MTUS1: variants seen among roughly 807,000 people sequenced by gnomAD.
The protein encoded by MTUS1 is microtubule-associated tumor suppressor 1.
In MTUS1, 109 loss-of-function variants were observed where a neutral mutation model predicts 120.8. The observed-to-expected ratio is 0.90, with a 90% CI of 0.77 to 1.06. The LOEUF (loss-of-function observed/expected upper bound fraction) is 1.06. Among genes scored for constraint, MTUS1 ranks in the 50% least tolerant of loss-of-function variants. The pLI is 0.00. For synonymous variants in MTUS1, 737 were observed against 550.5 expected, an observed-to-expected ratio of 1.34 and a Z score of -4.74; for missense variants, 2,210 against 1,486.3, an observed-to-expected ratio of 1.49 and a Z score of -8.01.
At chr8:17,693,620 A>C (rs1011069100) in intron 6 of MTUS1, among the ~76,000 whole-genome samples, 1 of 152,174 alleles carries the variant, frequency 6.6e-6, no homozygotes, top group African/African-American at 2.4e-5. Context: ...TCTCTGTCGG[A>C]AACACTTTGT....
intron 1 of MTUS1, among the ~76,000 whole-genome samples, chr8:17,788,328 A>C (rs775813820): frequency 1.1e-4 from 16 of 152,174 alleles, no homozygotes; most frequent in African/African-American, 2.2e-4. Flanking sequence ...CATATTCATG[A>C]ATTCTTATTG....
intron 1 of MTUS1, among the ~76,000 whole-genome samples, chr8:17,767,530 C>G (rs1361347471): frequency 8.8e-6 from 1 of 113,506 alleles, no homozygotes; most frequent in Admixed American, 9.5e-5. Context: ...AACCCCATCT[C>G]TTTAAAAAAA....
chr8:17,673,895 G>A (rs921631568), intron 8 of MTUS1, among the ~76,000 whole-genome samples: 1 of 152,332 alleles, frequency 6.6e-6, no homozygotes, highest in East Asian at 1.9e-4. Context: ...TTCTCCTAGA[G>A]TTGGGTGAAC....
At chr8:17,781,163 C>T (rs1209507852) in intron 1 of MTUS1, among the ~76,000 whole-genome samples, 1 of 152,158 alleles carries the variant, frequency 6.6e-6, no homozygotes, top group Admixed American at 6.5e-5. Context: ...TCTGTTTCCA[C>T]CTAAAATGGA....
chr8:17,719,972 G>C (rs567009023), intron 4 of MTUS1, among the ~76,000 whole-genome samples: 2 of 151,958 alleles, frequency 1.3e-5, no homozygotes, highest in South Asian at 2.1e-4. Flanking sequence ...GTCCTCCCTT[G>C]TCATTGATCA....
chr8:17,778,147 T>C (rs1438344545), intron 1 of MTUS1, among the ~76,000 whole-genome samples: 1 of 151,522 alleles, frequency 6.6e-6, no homozygotes, highest in Non-Finnish European at 1.5e-5. Flanking sequence ...GGGTAGATTA[T>C]TTTTTTTTAA....
intron 6 of MTUS1, among the ~76,000 whole-genome samples, chr8:17,685,886 GAAT>G (rs1180511832): frequency 6.6e-6 from 1 of 152,132 alleles, no homozygotes; most frequent in Non-Finnish European, 1.5e-5. Flanking sequence ...AGTAGCTTAT[GAAT>G]AATTGTCACT....
chr8:17,740,762 T>C (rs374432814), intron 3 of MTUS1, among the ~76,000 whole-genome samples: 8 of 152,214 alleles, frequency 5.3e-5, no homozygotes, highest in South Asian at 2.1e-4. Flanking sequence ...ATGTCCAAGA[T>C]AGAGGTGCCA....
At chr8:17,779,680 G>C (rs2050719303) in intron 1 of MTUS1, among the ~76,000 whole-genome samples, 1 of 152,118 alleles carries the variant, frequency 6.6e-6, no homozygotes, top group Admixed American at 6.5e-5. Context: ...CCCTTCACTT[G>C]GCTTCAGAGG....
chr8:17,785,973 C>A (rs1167506911), intron 1 of MTUS1, among the ~76,000 whole-genome samples: 1 of 152,062 alleles, frequency 6.6e-6, no homozygotes, highest in Non-Finnish European at 1.5e-5. Flanking sequence ...GAGACTCTGT[C>A]CCTAAAAAAT....
intron 1 of MTUS1, among the ~76,000 whole-genome samples, chr8:17,774,630 G>A (rs193285081): frequency 7.4e-4 from 113 of 152,222 alleles, no homozygotes; most frequent in Middle Eastern, 3.4e-3. Flanking sequence ...ACCCCCTTGC[G>A]TTGCTGGTGG....
At position 17,753,770 on chromosome 8, in the gene MTUS1, C is replaced by T. The variant is rs758607845; in HGVS notation, c.2038G>A (p.Glu680Lys). 27 of 1,612,782 alleles carry T rather than the reference C, an allele frequency of 1.7e-5. No homozygotes were observed. In the South Asian group the frequency reaches 2.9e-4, roughly 17 times the overall value. Residue 680 changes from glutamate to lysine, a missense_variant, in exon 2 of 15, where the codon GAG becomes AAG. By Grantham distance (56) the Glu-to-Lys change is moderately conservative (BLOSUM62 1). Coordinates refer to ENST00000693296, the MANE Select transcript of MTUS1 (RefSeq NM_001363059.2). The stretch of plus-strand genomic sequence containing the variant: ...TCATTCATAATCTCTTGTTTCAGCT[C>T]TTGTTTTTCCATAGATGTCCCATTT... ...KENGTSMEKQ[E>K]LKQEIMNETF...
At chr8:17,717,515 C>T (rs987698981) in intron 4 of MTUS1, among the ~76,000 whole-genome samples, 4 of 152,028 alleles carry the variant, frequency 2.6e-5, no homozygotes, top group Admixed American at 6.6e-5. Context: ...TTCTTGAAGC[C>T]GTATTTGATT....
At chr8:17,742,774 ATCT>A (rs2047438313) in intron 3 of MTUS1, among the ~76,000 whole-genome samples, 1 of 152,176 alleles carries the variant, frequency 6.6e-6, no homozygotes, top group African/African-American at 2.4e-5. Context: ...AGGTACAGAG[ATCT>A]TCTGGGATTT....
chr8:17,738,039 G>A (rs1586060613), intron 3 of MTUS1, among the ~76,000 whole-genome samples: 4 of 152,162 alleles, frequency 2.6e-5, no homozygotes, highest in Admixed American at 6.5e-5. Flanking sequence ...AGAAACCTGC[G>A]ATGACAGGCA....
chr8:17,783,352 A>G (rs767796394), intron 1 of MTUS1, among the ~76,000 whole-genome samples: 2 of 152,098 alleles, frequency 1.3e-5, no homozygotes, highest in African/African-American at 4.8e-5. Context: ...AAAACAAAGG[A>G]ACACAACATG....
At chr8:17,699,536 G>T (rs888982908) in intron 6 of MTUS1, among the ~76,000 whole-genome samples, 2 of 152,082 alleles carry the variant, frequency 1.3e-5, no homozygotes, top group African/African-American at 2.4e-5. Context: ...TGTTAAAAGG[G>T]AAGTTCTTTA....
At chr8:17,756,394 C>T (rs977842068) in intron 1 of MTUS1, among the ~76,000 whole-genome samples, 1 of 152,150 alleles carries the variant, frequency 6.6e-6, no homozygotes, top group African/African-American at 2.4e-5. Context: ...CCCTTTCATT[C>T]TCAGAAGGGC....
At chr8:17,745,661 A>G (rs932334106) in intron 2 of MTUS1, among the ~76,000 whole-genome samples, 4 of 152,200 alleles carry the variant, frequency 2.6e-5, no homozygotes, top group African/African-American at 9.6e-5. Flanking sequence ...GTTAAATTCA[A>G]GCTAGTTTTC....
Sources: gnomAD v4.1 joint callset for allele counts (sites outside exome capture counted in the v4.1 genomes callset) on GRCh38, gnomAD v4.1.1 for gene constraint, MANE v1.5 for transcripts, NCBI Gene and HGNC (gene_info 2026-07-23, HGNC 2026-07-21) for gene names.